CCSER1: variants seen among roughly 807,000 people sequenced by gnomAD.
CCSER1 encodes the protein coiled-coil serine rich protein 1, also known as serine-rich coiled-coil domain-containing protein 1.
A neutral mutation model predicts 82.0 loss-of-function variants in CCSER1; 41 were observed. That is an observed-to-expected ratio of 0.50 (90% CI 0.39 to 0.65). CCSER1 has a LOEUF of 0.65. Among genes scored for constraint, CCSER1 ranks in the 30% least tolerant of loss-of-function variants. CCSER1 has a pLI of 0.00. For missense variants in CCSER1, 1,119 were observed against 1,064.2 expected (o/e 1.05, Z -0.72); for synonymous variants, 414 against 383.9 (o/e 1.08, Z -0.92).
At chr4:90,512,267 G>A (rs1475634880) in intron 5 of CCSER1, among the ~76,000 whole-genome samples, 4 of 149,712 alleles carry the variant, frequency 2.7e-5, no homozygotes, top group Non-Finnish European at 5.9e-5. Context: ...TTCTACTATG[G>A]TGCCTTGTCT....
At chr4:91,325,319 A>T in intron 10 of CCSER1, 1 of 372,432 alleles carries the variant, frequency 2.7e-6, no homozygotes, top group South Asian at 2.1e-5. Flanking sequence ...TTACTTGGAA[A>T]ATGAAGCCAT....
chr4:91,071,760 C>T (rs1197058780), intron 9 of CCSER1, among the ~76,000 whole-genome samples: 1 of 151,856 alleles, frequency 6.6e-6, no homozygotes, highest in Non-Finnish European at 1.5e-5. Flanking sequence ...AAAATAATTG[C>T]CTTATGATGT....
chr4:91,448,174 T>A (rs986319833), intron 10 of CCSER1, among the ~76,000 whole-genome samples: 1 of 152,130 alleles, frequency 6.6e-6, no homozygotes, highest in Non-Finnish European at 1.5e-5. Context: ...TTCCTTTTAG[T>A]ATTATCAACT....
At chr4:90,702,101 G>C (rs1046113519) in intron 6 of CCSER1, among the ~76,000 whole-genome samples, 1 of 152,094 alleles carries the variant, frequency 6.6e-6, no homozygotes, top group Non-Finnish European at 1.5e-5. Flanking sequence ...TATGATATTG[G>C]CTGTGGGTTT....
chr4:91,505,725 G>T (rs1471943607), intron 10 of CCSER1, among the ~76,000 whole-genome samples: 4 of 151,944 alleles, frequency 2.6e-5, no homozygotes, highest in Non-Finnish European at 5.9e-5. Context: ...ATGTTTGTTG[G>T]TGCATGAATG....
chr4:91,160,129 A>T (rs1302898256), intron 10 of CCSER1, among the ~76,000 whole-genome samples: 1 of 151,320 alleles, frequency 6.6e-6, no homozygotes. Flanking sequence ...CCCACCTATG[A>T]GTGAGAACAT....
chr4:90,851,341 C>G (rs1178219189), intron 8 of CCSER1, among the ~76,000 whole-genome samples: 8 of 152,068 alleles, frequency 5.3e-5, no homozygotes, highest in South Asian at 2.1e-4. Flanking sequence ...CCTTGAGAAT[C>G]TGCCTTAATT....
chr4:90,791,190 G>T (rs1028946463), intron 7 of CCSER1, among the ~76,000 whole-genome samples: 3 of 152,082 alleles, frequency 2.0e-5, no homozygotes, highest in Non-Finnish European at 4.4e-5. Flanking sequence ...TACCATGGGG[G>T]GAAACTGTCC....
intron 10 of CCSER1, among the ~76,000 whole-genome samples, chr4:91,117,180 C>A (rs184988546): frequency 6.6e-6 from 1 of 152,140 alleles, no homozygotes; most frequent in Admixed American, 6.5e-5. Context: ...CAGCAACATC[C>A]ATTTATATAT....
chr4:91,224,427 G>A (rs1198544224), intron 10 of CCSER1, among the ~76,000 whole-genome samples: 1 of 152,056 alleles, frequency 6.6e-6, no homozygotes, highest in East Asian at 1.9e-4. Context: ...ATTCTTCTTA[G>A]ATTTGTCCAA....
intron 1 of CCSER1, among the ~76,000 whole-genome samples, chr4:90,274,375 C>T (rs541859449): frequency 2.0e-4 from 30 of 152,146 alleles, no homozygotes; most frequent in Non-Finnish European, 3.8e-4. Flanking sequence ...TACTGAATAA[C>T]ATTTTACATG....
At chr4:91,547,920 T>C (rs564378696) in intron 10 of CCSER1, among the ~76,000 whole-genome samples, 1 of 152,200 alleles carries the variant, frequency 6.6e-6, no homozygotes, top group South Asian at 2.1e-4. Context: ...TAGCTGGGAT[T>C]ACAGGCGCAT....
chr4:91,568,804 ATT>A, intron 10 of CCSER1, among the ~76,000 whole-genome samples: 1 of 151,318 alleles, frequency 6.6e-6, no homozygotes, highest in East Asian at 2.0e-4. Context: ...AATCTTGATG[ATT>A]TTTTTTTCTA....
chr4:90,957,315 T>C (rs1733567034), intron 9 of CCSER1, among the ~76,000 whole-genome samples: 1 of 147,168 alleles, frequency 6.8e-6, no homozygotes, highest in Admixed American at 6.9e-5. Context: ...TTGGCCAGGC[T>C]GGTCTTCAAC....
intron 1 of CCSER1, among the ~76,000 whole-genome samples, chr4:90,168,416 T>G (rs936211800): frequency 5.9e-5 from 9 of 152,282 alleles, no homozygotes; most frequent in South Asian, 2.1e-4. Context: ...TTTCTCCCAT[T>G]CTGTAGGTTG....
chr4:91,347,755 C>G (rs1331424394), intron 10 of CCSER1, among the ~76,000 whole-genome samples: 1 of 151,320 alleles, frequency 6.6e-6, no homozygotes, highest in African/African-American at 2.4e-5. Flanking sequence ...TTATGTTTTC[C>G]ATTTCAAATT....
At chr4:91,456,219 C>A (rs1756164605) in intron 10 of CCSER1, among the ~76,000 whole-genome samples, 1 of 151,998 alleles carries the variant, frequency 6.6e-6, no homozygotes, top group African/African-American at 2.4e-5. Flanking sequence ...ATAACTATTT[C>A]TTGGGCCTCA....
intron 5 of CCSER1, among the ~76,000 whole-genome samples, chr4:90,491,259 T>C (rs1204987855): frequency 2.6e-5 from 4 of 152,138 alleles, no homozygotes; most frequent in Non-Finnish European, 4.4e-5. Context: ...GATTCCTAGG[T>C]ATTTTATTCT....
intron 5 of CCSER1, among the ~76,000 whole-genome samples, chr4:90,492,878 G>A (rs557521029): frequency 6.6e-6 from 1 of 152,268 alleles, no homozygotes; most frequent in African/African-American, 2.4e-5. Flanking sequence ...ACTGTGATCT[G>A]AGAGATAGTT....
Sources: gnomAD v4.1 joint callset for allele counts (sites outside exome capture counted in the v4.1 genomes callset) on GRCh38, gnomAD v4.1.1 for gene constraint, MANE v1.5 for transcripts, NCBI Gene and HGNC (gene_info 2026-07-23, HGNC 2026-07-21) for gene names.